ADAMTSL1: variants seen among roughly 807,000 people sequenced by gnomAD.
The protein encoded by ADAMTSL1 is ADAMTS like 1.
A neutral mutation model predicts 201.8 loss-of-function variants in ADAMTSL1; 126 were observed. The observed-to-expected ratio is 0.62, with a 90% CI of 0.54 to 0.72. ADAMTSL1 has a LOEUF of 0.72. Among genes scored for constraint, ADAMTSL1 ranks in the 30% least tolerant of loss-of-function variants. The pLI, the probability that ADAMTSL1 is intolerant of heterozygous loss-of-function variation, is 0.00. For synonymous variants in ADAMTSL1, 1,121 were observed against 903.4 expected, an observed-to-expected ratio of 1.24 and a Z score of -4.32; for missense variants, 2,679 against 2,277.8, an observed-to-expected ratio of 1.18 and a Z score of -3.59.
intron 1 of ADAMTSL1, among the ~76,000 whole-genome samples, chr9:18,476,418 G>A (rs1010882148): frequency 1.3e-5 from 2 of 152,054 alleles, no homozygotes; most frequent in Non-Finnish European, 2.9e-5. Flanking sequence ...GGTGCAGGTT[G>A]GTCTGTACCC....
At chr9:17,938,860 T>C (rs1588446405) in intron 1 of ADAMTSL1, among the ~76,000 whole-genome samples, 1 of 152,170 alleles carries the variant, frequency 6.6e-6, no homozygotes, top group East Asian at 1.9e-4. Flanking sequence ...TTTCCCCTGA[T>C]ACTTCTGCCT....
At chr9:18,189,219 GA>G (rs1828867580) in intron 2 of ADAMTSL1, among the ~76,000 whole-genome samples, 2 of 152,134 alleles carry the variant, frequency 1.3e-5, no homozygotes, top group South Asian at 4.1e-4. Flanking sequence ...GGAGTGAGGG[GA>G]TGCATGAGAA....
In ADAMTSL1 at chr9:18,706,889, G is replaced by C. The variant is rs1176972986; in HGVS notation, c.1717G>C (p.Ala573Pro). Residue 573 changes from alanine to proline, a missense_variant, in exon 14 of 29, where the codon GCA (alanine) becomes CCA (proline). Physicochemically the swap from Ala to Pro is conservative, Grantham distance 27 (BLOSUM62 -1). Transcript: ENST00000380548. ...PIDECEGPKPASQRACYAGPC... is the reference protein window; with the variant it reads ...PIDECEGPKPPSQRACYAGPC... ...TGACGAGTGTGAAGGGCCCAAGCCAGCATCCCAGCGTGCCTGTTATGCAGG... is the reference window on the plus strand; with the variant it reads ...TGACGAGTGTGAAGGGCCCAAGCCACCATCCCAGCGTGCCTGTTATGCAGG... 3 of 1,613,858 alleles carry C rather than the reference G, an allele frequency of 1.9e-6. No individual in the cohort carries two copies. Among genetic ancestry groups the C allele is most frequent in the Non-Finnish European group, 2.5e-6 (3 of 1,179,878 alleles).
At chr9:18,509,958 A>C (rs1269400530) in intron 2 of ADAMTSL1, among the ~76,000 whole-genome samples, 1 of 152,196 alleles carries the variant, frequency 6.6e-6, no homozygotes, top group South Asian at 2.1e-4. Flanking sequence ...CAGTCACCTT[A>C]TATACCTTCC....
At chr9:18,325,906 A>G (rs1390869459) in intron 2 of ADAMTSL1, among the ~76,000 whole-genome samples, 1 of 151,974 alleles carries the variant, frequency 6.6e-6, no homozygotes, top group Admixed American at 6.6e-5. Context: ...ACGCCTGGCT[A>G]ATTTTTGTGT....
chr9:18,193,263 G>A lies in ADAMTSL1; in HGVS notation c.207+29282G>A, dbSNP rs566177731. 4.6e-5 allele frequency among the ~76,000 whole-genome samples: 7 copies of A among 152,242 alleles called. No individual in the cohort carries two copies. In the East Asian group the frequency reaches 1.4e-3, roughly 29 times the overall value. On this transcript the variant is annotated intron_variant, in intron 2 of 29. Coordinates refer to the ADAMTSL1 transcript ENST00000680146. ...CAAATCGTTTTGAAAAGATGACCCT[G>A]GGAGTGGTGAGATCAACATAGAATG... is the stretch of plus-strand genomic sequence containing the variant.
intron 14 of ADAMTSL1, among the ~76,000 whole-genome samples, chr9:18,712,775 A>G (rs1832693329): frequency 1.3e-5 from 2 of 152,156 alleles, no homozygotes; most frequent in African/African-American, 4.8e-5. Context: ...CTCGAGAAGA[A>G]TAACTCCAAG....
chr9:18,199,679 C>T (rs1340516479), intron 2 of ADAMTSL1, among the ~76,000 whole-genome samples: 1 of 152,030 alleles, frequency 6.6e-6, no homozygotes, highest in African/African-American at 2.4e-5. Flanking sequence ...ATTAAATAAG[C>T]TGATGCTGGT....
intron 22 of ADAMTSL1, among the ~76,000 whole-genome samples, chr9:18,828,330 C>T (rs1335453263): frequency 6.6e-6 from 1 of 151,986 alleles, no homozygotes; most frequent in African/African-American, 2.4e-5. Context: ...CCAAAAAGAG[C>T]TGATTGTTTT....
At position 18,327,111 on chromosome 9, in the gene ADAMTSL1, C is replaced by T. The variant is rs78212551; in HGVS notation, c.207+163130C>T. On this transcript the variant is annotated intron_variant, in intron 2 of 29. Coordinates refer to the ADAMTSL1 transcript ENST00000680146. Reference sequence around the variant, plus strand: ...AAATTTTCAAATTACTGGTACTCTCCTTTTGAGTTTCATGGTAGGTCATTT... The same window carrying T: ...AAATTTTCAAATTACTGGTACTCTCTTTTTGAGTTTCATGGTAGGTCATTT... Among the ~76,000 whole-genome samples, 375 of 152,298 alleles carry T rather than the reference C, an allele frequency of 2.5e-3. 6 individuals carry two copies. In the East Asian group the frequency reaches 0.058, roughly 24 times the overall value.
chr9:18,254,350 T>TTG (rs1816588080), intron 2 of ADAMTSL1, among the ~76,000 whole-genome samples: 1 of 47,116 alleles, frequency 2.1e-5, no homozygotes, highest in Non-Finnish European at 4.0e-5. Flanking sequence ...TTTTGGTTTT[T>TTG]TTTTTTTTTT....
intron 1 of ADAMTSL1, among the ~76,000 whole-genome samples, chr9:18,084,782 C>A (rs930874846): frequency 5.6e-5 from 8 of 143,162 alleles, no homozygotes; most frequent in African/African-American, 2.1e-4. Flanking sequence ...TGAGAGTGAG[C>A]AAAACAGACA....
intron 6 of ADAMTSL1, among the ~76,000 whole-genome samples, chr9:18,638,080 G>T (rs1051340391): frequency 6.6e-6 from 1 of 152,200 alleles, no homozygotes; most frequent in South Asian, 2.1e-4. Context: ...TTCCTTTAAT[G>T]TGCCCTGTAT....
At chr9:18,681,699 G>C (rs142135501) in intron 11 of ADAMTSL1, 113 bp from the exon 12 acceptor site, 4 of 287,436 alleles carry the variant, frequency 1.4e-5, no homozygotes, top group South Asian at 6.7e-5. Context: ...TCCTCGTGTG[G>C]GGGGGGGGGG....
intron 25 of ADAMTSL1, among the ~76,000 whole-genome samples, chr9:18,890,967 C>T (rs906367091): frequency 2.0e-5 from 3 of 152,102 alleles, no homozygotes; most frequent in Admixed American, 2.0e-4. Context: ...TCTTGGATTT[C>T]AATGCCCCCG....
chr9:18,170,506 A>G (rs143267087), intron 2 of ADAMTSL1, among the ~76,000 whole-genome samples: 217 of 152,220 alleles, frequency 1.4e-3, no homozygotes, highest in African/African-American at 5.1e-3. Flanking sequence ...AAAGAGGTAC[A>G]AAATGGAGTA....
upstream of ADAMTSL1, chr9:18,474,084 C>T: frequency 6.5e-6 from 4 of 611,462 alleles, no homozygotes; most frequent in South Asian, 8.1e-5. Flanking sequence ...ATCCACCCAC[C>T]CACCCCTCGG....
intron 7 of ADAMTSL1, among the ~76,000 whole-genome samples, chr9:18,642,194 A>G (rs1587773305): frequency 6.6e-6 from 1 of 152,104 alleles, no homozygotes; most frequent in East Asian, 1.9e-4. Flanking sequence ...TCCAACAGCT[A>G]TCTGAAGATT....
At chr9:18,174,192 C>G (rs1051748180) in intron 2 of ADAMTSL1, among the ~76,000 whole-genome samples, 6 of 152,092 alleles carry the variant, frequency 3.9e-5, no homozygotes, top group African/African-American at 1.4e-4. Context: ...GCAAATTCAC[C>G]TTATGGAAAG....
Sources: gnomAD v4.1 joint callset for allele counts (sites outside exome capture counted in the v4.1 genomes callset) on GRCh38, gnomAD v4.1.1 for gene constraint, MANE v1.5 for transcripts, NCBI Gene and HGNC (gene_info 2026-07-23, HGNC 2026-07-21) for gene names.